The following TMEFF1 variants were observed in gnomAD, a reference collection of about 807,000 sequenced individuals.
TMEFF1 encodes transmembrane protein with EGF like and two follistatin like domains 1.
A neutral mutation model predicts 47.5 loss-of-function variants in TMEFF1; 20 were observed. The observed-to-expected ratio is 0.42, with a 90% CI of 0.30 to 0.61. TMEFF1 has a LOEUF of 0.61. Ranked by LOEUF, TMEFF1 falls within the 20% of genes least tolerant of loss-of-function variation. The pLI, the probability that TMEFF1 is intolerant of heterozygous loss-of-function variation, is 0.19. For synonymous variants in TMEFF1, 162 were observed against 166.3 expected, an observed-to-expected ratio of 0.97 and a Z score of 0.20; for missense variants, 411 against 471.1, an observed-to-expected ratio of 0.87 and a Z score of 1.18.
At chr9:100,493,622 T>C (rs1312888271) in intron 1 of TMEFF1, among the ~76,000 whole-genome samples, 1 of 152,222 alleles carries the variant, frequency 6.6e-6, no homozygotes, top group East Asian at 1.9e-4. Context: ...GAGCAACTCT[T>C]GTGAGTACTT....
At chr9:100,557,982 A>G (rs1041647347) in intron 7 of TMEFF1, among the ~76,000 whole-genome samples, 2 of 152,166 alleles carry the variant, frequency 1.3e-5, no homozygotes, top group Non-Finnish European at 2.9e-5. Flanking sequence ...TCAAAGCCTT[A>G]TTAGACATGT....
chr9:100,475,339 T>G (rs72735128), intron 1 of TMEFF1, among the ~76,000 whole-genome samples: 16,269 of 152,234 alleles, frequency 0.11, 1,653 homozygotes, highest in East Asian at 0.55. Context: ...AACAATGGCA[T>G]GTCCATTAAA....
intron 1 of TMEFF1, among the ~76,000 whole-genome samples, chr9:100,490,843 G>GTGTGTGTGTGTGTGTGTGTGTGTGTA (rs1837538310): frequency 1.4e-5 from 2 of 143,266 alleles, no homozygotes; most frequent in Admixed American, 6.8e-5. Flanking sequence ...TATGGTGTGT[G>GTGTGTGTGTGTGTGTGTGTGTGTGTA]TGTGTGTGTG....
intron 5 of TMEFF1, among the ~76,000 whole-genome samples, chr9:100,540,521 C>G (rs991997950): frequency 6.6e-6 from 1 of 152,202 alleles, no homozygotes. Flanking sequence ...CCCACCTCCC[C>G]GCTAGCAGAG....
rs538041172 is a variant in TMEFF1 at position 100,547,253 on chromosome 9, T to A, written c.561-491T>A. 2.0e-5 allele frequency among the ~76,000 whole-genome samples: 3 copies of A among 152,208 alleles called. No individual in the cohort carries two copies. In the South Asian group the frequency reaches 6.2e-4, roughly 32 times the overall value. Reference sequence around the variant, plus strand: ...CTGGTCTCAAACTCCTGGGCTCAAGTGATTCTCCTACCTTGGCCTCCCGAA... The same window carrying A: ...CTGGTCTCAAACTCCTGGGCTCAAGAGATTCTCCTACCTTGGCCTCCCGAA... On this transcript the variant is annotated intron_variant, in intron 5 of 9. Transcript: ENST00000374879.
intron 5 of TMEFF1, 63 bp downstream of exon 5, chr9:100,516,834 G>A: frequency 6.4e-7 from 1 of 1,550,840 alleles, no homozygotes. Context: ...TGATTATATT[G>A]TGGAAAGGTA....
Position 100,527,579 on chromosome 9 carries a change from CG to C in TMEFF1, c.560+10814del, listed in dbSNP as rs1021936435. Among the ~76,000 whole-genome samples the C allele has an allele frequency of 8.5e-5, 13 of 152,292 alleles. No homozygotes were observed. In the East Asian group the frequency reaches 1.4e-3, roughly 16 times the overall value. ...ACGAGATTATATCCCGCACCTGGCT[CG>C]GGGGGTCCTACACCCATATAGTCTC... On this transcript the variant is annotated intron_variant, in intron 5 of 9. Transcript: ENST00000374879.
At chr9:100,508,772 A>G (rs1237990019) in intron 2 of TMEFF1, among the ~76,000 whole-genome samples, 1 of 152,046 alleles carries the variant, frequency 6.6e-6, no homozygotes, top group Non-Finnish European at 1.5e-5. Context: ...CAAATGAAGT[A>G]GATAGAGATT....
intron 1 of TMEFF1, among the ~76,000 whole-genome samples, chr9:100,483,786 C>T (rs1054418055): frequency 7.1e-6 from 1 of 141,284 alleles, no homozygotes; most frequent in Non-Finnish European, 1.5e-5. Context: ...GTCTGTCTGT[C>T]TGTTTTTTTT....
Position 100,473,984 on chromosome 9 carries a change from G to C in TMEFF1, c.196+244G>C, listed in dbSNP as rs1368127630. On this transcript the variant is annotated intron_variant, in intron 1 of 9. Transcript: ENST00000374879. This position sits in a 1 kb window ranked among gnomAD's most constrained non-coding sequence, Gnocchi z 5.4. ...AGTGGCTGGGCGAGGGCGGCCCGGC[G>C]TGTGGGGAGGCGGTGGGGCCGGGGC... 6.6e-6 allele frequency among the ~76,000 whole-genome samples: 1 copy of C among 151,842 alleles called. No homozygotes were observed. Among genetic ancestry groups the C allele is most frequent in the African/African-American group, 2.4e-5 (1 of 41,232 alleles).
intron 6 of TMEFF1, among the ~76,000 whole-genome samples, chr9:100,549,210 A>T (rs1838789322): frequency 6.6e-6 from 1 of 152,174 alleles, no homozygotes; most frequent in Non-Finnish European, 1.5e-5. Context: ...ATCATGGTAG[A>T]TGGCAAAGAG....
chr9:100,528,909 A>G (rs1472775837), intron 5 of TMEFF1, among the ~76,000 whole-genome samples: 31 of 144,258 alleles, frequency 2.1e-4, no homozygotes, highest in African/African-American at 6.4e-4. Flanking sequence ...GAAACCCTAC[A>G]AGCCAGAAGA....
chr9:100,507,056 T>C (rs1395206084), intron 2 of TMEFF1, among the ~76,000 whole-genome samples: 1 of 152,178 alleles, frequency 6.6e-6, no homozygotes, highest in East Asian at 1.9e-4. Flanking sequence ...CCAGTGTCTG[T>C]TGTTCCCATC....
At chr9:100,549,037 T>C (rs1213611801) in intron 6 of TMEFF1, among the ~76,000 whole-genome samples, 1 of 152,208 alleles carries the variant, frequency 6.6e-6, no homozygotes, top group African/African-American at 2.4e-5. Context: ...TACTCTACTC[T>C]TTGGAATTTC....
chr9:100,574,295 A>G (rs950329575), intron 9 of TMEFF1, among the ~76,000 whole-genome samples: 1 of 152,226 alleles, frequency 6.6e-6, no homozygotes, highest in African/African-American at 2.4e-5. Flanking sequence ...CATTTAAGTC[A>G]TTATTAGAGT....
chr9:100,509,455 G>A (rs1193698463), intron 3 of TMEFF1, among the ~76,000 whole-genome samples: 1 of 152,130 alleles, frequency 6.6e-6, no homozygotes, highest in Non-Finnish European at 1.5e-5. Context: ...AATGATAGGG[G>A]ATCTGTCTTG....
At chr9:100,514,824 G>A (rs538347156) in intron 4 of TMEFF1, among the ~76,000 whole-genome samples, 7 of 151,934 alleles carry the variant, frequency 4.6e-5, no homozygotes, top group East Asian at 1.9e-4. Context: ...GTGAAACCCC[G>A]TCTCTACTAA....
intron 1 of TMEFF1, among the ~76,000 whole-genome samples, chr9:100,496,548 C>G (rs903411778): frequency 1.3e-5 from 2 of 152,192 alleles, no homozygotes; most frequent in Non-Finnish European, 2.9e-5. Flanking sequence ...CCAGTGGGAC[C>G]AAGCTTTTCT....
At chr9:100,550,603 G>A (rs1217552852) in intron 7 of TMEFF1, among the ~76,000 whole-genome samples, 1 of 151,916 alleles carries the variant, frequency 6.6e-6, no homozygotes, top group Non-Finnish European at 1.5e-5. Context: ...TTTTATTTTG[G>A]GAAATATCCC....
Sources: allele counts gnomAD v4.1 joint callset (sites outside exome capture counted in the v4.1 genomes callset), GRCh38; gene constraint gnomAD v4.1.1; non-coding constraint Gnocchi (gnomAD v3.1); transcripts MANE v1.5; gene names NCBI Gene and HGNC (gene_info 2026-07-23, HGNC 2026-07-21).